The following GABRG1 variants were observed in gnomAD, a reference collection of about 807,000 sequenced individuals.
GABRG1 encodes the protein gamma-aminobutyric acid type A receptor subunit gamma1, also known as gamma-aminobutyric acid receptor subunit gamma-1.
In GABRG1, 49 loss-of-function variants were observed where a neutral mutation model predicts 49.8. The ratio of observed to expected loss-of-function variants is 0.98; its 90% CI spans 0.78 to 1.25. The LOEUF is 1.25. Among genes scored for constraint, GABRG1 ranks in the 50% most tolerant of loss-of-function variants. The pLI is 0.00. For missense variants in GABRG1, 552 were observed against 552.3 expected, an observed-to-expected ratio of 1.00 and a Z score of 0.01; for synonymous variants, 232 against 185.1, an observed-to-expected ratio of 1.25 and a Z score of -2.06.
At chr4:46,117,560 C>CTG (rs1390648458) in intron 1 of GABRG1, among the ~76,000 whole-genome samples, 6 of 141,042 alleles carry the variant, frequency 4.3e-5, no homozygotes, top group Non-Finnish European at 9.2e-5. Context: ...GTCTCTCTCT[C>CTG]TCTCTCTCTC....
At chr4:46,122,918 G>C (rs1553884817) in intron 1 of GABRG1, among the ~76,000 whole-genome samples, 1 of 151,896 alleles carries the variant, frequency 6.6e-6, no homozygotes, top group Non-Finnish European at 1.5e-5. Flanking sequence ...ACGTATTTTA[G>C]CTCAAGTCAC....
Position 46,084,057 on chromosome 4 carries a change from C to CA in GABRG1, c.254-5dup. The CA allele has an allele frequency of 6.5e-7, 1 of 1,543,750 alleles. No homozygotes were observed. Among genetic ancestry groups the CA allele is most frequent in the Non-Finnish European group, 8.9e-7 (1 of 1,125,596 alleles). On this transcript the variant is annotated splice_region_variant and splice_polypyrimidine_tract_variant and intron_variant, in intron 2 of 8. Transcript: ENST00000295452. ...GTTTCAATTACTGTGGGCCTCACTG[C>CA]AAAATATCAACAAAAAGAAAGGTCA...
chr4:46,064,612 C>A, intron 4 of GABRG1, 89 bp from the exon 5 acceptor site: 1 of 601,388 alleles, frequency 1.7e-6, no homozygotes, highest in Non-Finnish European at 2.8e-6. Flanking sequence ...AAGATTTTGT[C>A]ATATGATAAT....
intron 1 of GABRG1, among the ~76,000 whole-genome samples, chr4:46,117,614 A>C (rs1211762977): frequency 1.3e-3 from 185 of 141,922 alleles, no homozygotes; most frequent in African/African-American, 4.5e-3. Context: ...CTCTCTCTCT[A>C]TATATATATA....
chr4:46,119,792 A>G (rs751638749), intron 1 of GABRG1, among the ~76,000 whole-genome samples: 15 of 151,558 alleles, frequency 9.9e-5, no homozygotes, highest in Non-Finnish European at 1.9e-4. Context: ...TCATAAATCT[A>G]GGTCTTAGCC....
intron 3 of GABRG1, among the ~76,000 whole-genome samples, chr4:46,066,149 T>A (rs1194712796): frequency 6.6e-6 from 1 of 152,224 alleles, no homozygotes; most frequent in Non-Finnish European, 1.5e-5. Flanking sequence ...TTTTGTAGTA[T>A]GTAGGATGTA....
At chr4:46,086,414 T>C (rs2109424393) in intron 2 of GABRG1, among the ~76,000 whole-genome samples, 1 of 151,778 alleles carries the variant, frequency 6.6e-6, no homozygotes, top group Admixed American at 6.6e-5. Context: ...TAAAAATCTT[T>C]TCTTTATAAT....
intron 2 of GABRG1, among the ~76,000 whole-genome samples, chr4:46,094,403 A>C (rs1560368455): frequency 1.3e-5 from 2 of 151,998 alleles, no homozygotes; most frequent in African/African-American, 4.8e-5. Context: ...GGCTCTGTAG[A>C]AGACAGAAGG....
At chr4:46,065,838 T>C (rs1718897863) in intron 3 of GABRG1, among the ~76,000 whole-genome samples, 1 of 152,116 alleles carries the variant, frequency 6.6e-6, no homozygotes, top group African/African-American at 2.4e-5. Context: ...TTCTCCTGCC[T>C]CAGCCTCCGG....
At chr4:46,082,593 C>T (rs1345715263) in intron 3 of GABRG1, among the ~76,000 whole-genome samples, 1 of 151,760 alleles carries the variant, frequency 6.6e-6, no homozygotes, top group African/African-American at 2.4e-5. Flanking sequence ...CTGCCTTCAC[C>T]ATTCCAACTG....
intron 8 of GABRG1, among the ~76,000 whole-genome samples, chr4:46,050,283 C>A (rs922156450): frequency 1.3e-4 from 19 of 151,810 alleles, no homozygotes; most frequent in African/African-American, 4.6e-4. Context: ...GCTCTGCTTT[C>A]TTGGAATATT....
At position 46,038,090 on chromosome 4, in the gene GABRG1, CT is replaced by C; in HGVS notation, c.*2897del. On this transcript the variant is annotated 3_prime_UTR_variant, in exon 9 of 9. Transcript: ENST00000295452. ...ACTTATTAAAGAAATCTGTCTTTAA[CT>C]TAAAATAAAATGCCTCCAATTAGTT... is the stretch of plus-strand genomic sequence containing the variant. 6.6e-6 allele frequency: 1 copy of C among 151,624 alleles called. No homozygotes were observed. The highest frequency in any genetic ancestry group is 1.9e-4 in the East Asian group (1 of 5,182). 9.4% of individuals were successfully genotyped at this position (151,624 alleles called of 1,614,324 possible).
At chr4:46,064,944 G>A (rs1337696466) in intron 4 of GABRG1, among the ~76,000 whole-genome samples, 1 of 152,112 alleles carries the variant, frequency 6.6e-6, no homozygotes, top group African/African-American at 2.4e-5. Context: ...AAGTCAATGA[G>A]TTAAATAAAC....
intron 7 of GABRG1, among the ~76,000 whole-genome samples, chr4:46,053,759 G>A (rs1718333624): frequency 2.0e-5 from 3 of 151,468 alleles, no homozygotes; most frequent in Non-Finnish European, 2.9e-5. Flanking sequence ...TTTTAATAAG[G>A]CAAAAAAACT....
At position 46,118,132 on chromosome 4, in the gene GABRG1, G is replaced by GTATATATATATATATA. The variant is rs1553884495; in HGVS notation, c.104+5677_104+5678insTATATATATATATATA. 4.1e-3 allele frequency among the ~76,000 whole-genome samples: 451 copies of GTATATATATATATATA among 109,952 alleles called. 36 individuals carry two copies. The highest frequency in any genetic ancestry group is 0.015 in the African/African-American group (267 of 17,890). 72.1% of individuals were successfully genotyped at this position (109,952 alleles called of 152,430 possible). On this transcript the variant is annotated intron_variant, in intron 1 of 8. Coordinates refer to ENST00000295452, the MANE Select transcript of GABRG1 (RefSeq NM_173536.4). ...TATATACATATATACGTGTGTGTGT[G>GTATATATATATATATA]TATATATATATATACAGCTACAGTA... is the stretch of plus-strand genomic sequence containing the variant.
chr4:46,048,749 A>G (rs1357915793), intron 8 of GABRG1, among the ~76,000 whole-genome samples: 1 of 151,436 alleles, frequency 6.6e-6, no homozygotes, highest in East Asian at 1.9e-4. Flanking sequence ...AATGAAAGAA[A>G]GAGAATGAAA....
intron 8 of GABRG1, among the ~76,000 whole-genome samples, chr4:46,044,525 G>A (rs1361458409): frequency 2.6e-5 from 4 of 151,860 alleles, no homozygotes; most frequent in Non-Finnish European, 4.4e-5. Context: ...TGGTGACGAG[G>A]AGCTGCCAAT....
chr4:46,108,551 C>T (rs1311985830), intron 1 of GABRG1, among the ~76,000 whole-genome samples: 4 of 151,002 alleles, frequency 2.6e-5, no homozygotes, highest in African/African-American at 9.7e-5. Context: ...GGATTCTGAA[C>T]ATATTAATCC....
chr4:46,081,946 C>T (rs1719589275), intron 3 of GABRG1, among the ~76,000 whole-genome samples: 1 of 151,812 alleles, frequency 6.6e-6, no homozygotes, highest in Admixed American at 6.6e-5. Flanking sequence ...GGACTTCTGG[C>T]CTCTATAACT....
Sources: allele counts gnomAD v4.1 joint callset (sites outside exome capture counted in the v4.1 genomes callset), GRCh38; gene constraint gnomAD v4.1.1; transcripts MANE v1.5; gene names NCBI Gene and HGNC (gene_info 2026-07-23, HGNC 2026-07-21).